The following RHPN1 variants were observed in gnomAD, a reference collection of about 807,000 sequenced individuals.
RHPN1 encodes the protein rhophilin Rho GTPase binding protein 1.
In RHPN1, 77 loss-of-function variants were observed where a neutral mutation model predicts 74.7. That is an observed-to-expected ratio of 1.03 (90% confidence interval 0.86 to 1.25). The LOEUF is 1.25. RHPN1 is among the 50% of genes most tolerant of loss of function. The probability of loss-of-function intolerance (pLI) is 0.00; values close to 1 mark genes in which losing one functional copy is unlikely to be tolerated. For synonymous variants in RHPN1, 444 were observed against 414.5 expected, an observed-to-expected ratio of 1.07 and a Z score of -0.87; for missense variants, 987 against 932.2, an observed-to-expected ratio of 1.06 and a Z score of -0.77.
At position 143,372,102 on chromosome 8, in the gene RHPN1, G is replaced by A. The variant is rs532668328; in HGVS notation, c.60+3055G>A. Among the ~76,000 whole-genome samples, 8 of 152,266 alleles carry A rather than the reference G, an allele frequency of 5.3e-5. 1 individual carries two copies. The highest frequency in any genetic ancestry group is 1.2e-4 in the African/African-American group (5 of 41,554). On this transcript the variant is annotated intron_variant, in intron 1 of 14. Transcript: ENST00000289013. ...GGGGCTCCAAGGGGCCAGGCTCCCCGCAGCTCTCCTGGGGCCAGGAGGGGA... is the reference window on the plus strand; with the variant it reads ...GGGGCTCCAAGGGGCCAGGCTCCCCACAGCTCTCCTGGGGCCAGGAGGGGA...
In RHPN1 at chr8:143,376,571, A is replaced by G; in HGVS notation, c.223A>G (p.Ser75Gly). The change falls in exon 3 of 15, where the codon AGC (serine) becomes GGC (glycine). Residue 75 changes from serine to glycine, a missense_variant. Coordinates refer to ENST00000289013, the MANE Select transcript of RHPN1 (RefSeq NM_052924.3). ...GAGAGAGACGGTCGCCCTGGAGCTG[A>G]GCTACGTCAACTCCAACCTGCAGCT... ...RVRETVALEL[S>G]YVNSNLQLLK... 6.2e-7 allele frequency: 1 copy of G among 1,611,338 alleles called. No individual in the cohort carries two copies. Among genetic ancestry groups the G allele is most frequent in the Non-Finnish European group, 8.5e-7 (1 of 1,179,156 alleles).
At chr8:143,376,418 G>T in intron 2 of RHPN1, 107 bp from the exon 3 acceptor site, 1 of 1,501,664 alleles carries the variant, frequency 6.7e-7, no homozygotes, top group South Asian at 1.2e-5. Flanking sequence ...TCCTCTGCAG[G>T]GTGGGCTTGG....
chr8:143,374,861 CA>C (rs1395350914), intron 1 of RHPN1, among the ~76,000 whole-genome samples: 1 of 152,250 alleles, frequency 6.6e-6, no homozygotes, highest in East Asian at 1.9e-4. Context: ...CCCCGCTGGG[CA>C]CGCCCCACTC....
Position 143,380,298 on chromosome 8 carries a change from A to G in RHPN1, c.1216+123A>G, listed in dbSNP as rs1586830651. 9 of 755,050 alleles carry G rather than the reference A, an allele frequency of 1.2e-5. No homozygotes were observed. In the East Asian group the frequency reaches 2.5e-4, roughly 21 times the overall value. The allele number at this position is 755,050 out of a possible 1,614,324, so 46.8% of individuals were successfully genotyped here. ...CCCGTGCTGACGAGTTGGGCCACCT[A>G]CCTATCCCTGGATGGCCTGTGCCTG... is the stretch of plus-strand genomic sequence containing the variant. On this transcript the variant is annotated intron_variant, in intron 10 of 14. Transcript: ENST00000289013.
In RHPN1 at chr8:143,382,812, G is replaced by A. The variant is rs1196008113; in HGVS notation, c.*161G>A. On this transcript the variant is annotated 3_prime_UTR_variant, in exon 15 of 15. Coordinates refer to ENST00000289013, the MANE Select transcript of RHPN1 (RefSeq NM_052924.3). ...CATTAAAGACTGGTCAGACCTGTCTGAGCCCAGTGATGGGAGCTGTGGCCT... is the reference window on the plus strand; with the variant it reads ...CATTAAAGACTGGTCAGACCTGTCTAAGCCCAGTGATGGGAGCTGTGGCCT... 5 of 622,270 alleles carry A rather than the reference G, an allele frequency of 8.0e-6. No individual in the cohort carries two copies. The highest frequency in any genetic ancestry group is 1.4e-5 in the Non-Finnish European group (5 of 356,984). The allele number at this position is 622,270 out of a possible 1,614,324, so 38.5% of individuals were successfully genotyped here. A position where few individuals can be genotyped will look rare whatever the true frequency, so the allele number is the denominator to read the frequency against.
At chr8:143,377,062 G>A (rs1036380097) in intron 3 of RHPN1, among the ~76,000 whole-genome samples, 4 of 30,304 alleles carry the variant, frequency 1.3e-4, no homozygotes, top group African/African-American at 1.8e-4. Context: ...CTGTGTGTGC[G>A]CGTGTGTGTG....
At chr8:143,366,262 G>T (rs1001681492), upstream of RHPN1, among the ~76,000 whole-genome samples, 2 of 152,032 alleles carry the variant, frequency 1.3e-5, no homozygotes, top group Non-Finnish European at 2.9e-5. Context: ...CCAGTTCCCT[G>T]CCTGTCACAC....
chr8:143,377,410 G>A lies in RHPN1; in HGVS notation c.336G>A (p.Leu112=). The part of the protein sequence containing the change: ...SEAVTVPMIP[L]GLKETKELDW... ...CTGTCACTGTCCCCATGATCCCCCT[G>A]GGCCTGAAGGAGACCAAGGAGCTGG... Residue 112 remains leucine (L), a synonymous_variant, in exon 4 of 15, where the codon CTG becomes CTA. Coordinates refer to ENST00000289013, the MANE Select transcript of RHPN1 (RefSeq NM_052924.3). 1 of 1,613,502 alleles carries A rather than the reference G, an allele frequency of 6.2e-7. No homozygotes were observed. The highest frequency in any genetic ancestry group is 8.5e-7 in the Non-Finnish European group (1 of 1,179,612).
chr8:143,368,092 G>C (rs898090934), upstream of RHPN1: 1 of 153,832 alleles, frequency 6.5e-6, no homozygotes, highest in African/African-American at 2.4e-5. Context: ...AAGAGATTCG[G>C]AAAGCAGGTT....
chr8:143,373,972 C>T (rs74680952), intron 1 of RHPN1, among the ~76,000 whole-genome samples: 5,551 of 152,186 alleles, frequency 0.036, 296 homozygotes, highest in African/African-American at 0.13. Flanking sequence ...ACACAATTCA[C>T]CCATAATAGA....
chr8:143,374,386 G>A (rs1434515489), intron 1 of RHPN1: 4 of 921,284 alleles, frequency 4.3e-6, no homozygotes, highest in Non-Finnish European at 5.2e-6. Flanking sequence ...GCGGGAAGCA[G>A]TCCCAGGAGC....
chr8:143,371,179 G>A (rs532553905), intron 1 of RHPN1, among the ~76,000 whole-genome samples: 4 of 152,288 alleles, frequency 2.6e-5, no homozygotes, highest in South Asian at 4.1e-4. Flanking sequence ...TCTGGCGTGC[G>A]TGCTGCTTAT....
intron 3 of RHPN1, among the ~76,000 whole-genome samples, chr8:143,377,042 C>G (rs7461538): frequency 1.6e-5 from 1 of 62,674 alleles, no homozygotes; most frequent in Non-Finnish European, 4.3e-5. Context: ...GCACGTGTGT[C>G]TGTGTGTGTC....
chr8:143,379,414 C>T lies in RHPN1; in HGVS notation c.851C>T (p.Ala284Val). The change falls in exon 8 of 15, where the codon GCC (alanine) becomes GTC (valine). Residue 284 changes from alanine (A) to valine (V), a missense_variant. By Grantham distance (64) the Ala-to-Val change is moderately conservative (BLOSUM62 0). Transcript: ENST00000289013. ...CALEQLMMAQ[A>V]QECVFEGLSP... Reference sequence around the variant, plus strand: ...CTGGAGCAGCTCATGATGGCCCAGGCCCAGGAATGTGTGTTTGAGGGCCTC... The same window carrying T: ...CTGGAGCAGCTCATGATGGCCCAGGTCCAGGAATGTGTGTTTGAGGGCCTC... 1.9e-6 allele frequency: 3 copies of T among 1,586,580 alleles called. No homozygotes were observed. Among genetic ancestry groups the T allele is most frequent in the Non-Finnish European group, 2.6e-6 (3 of 1,166,938 alleles).
At chr8:143,366,459 T>TCCAG (rs1346504952), upstream of RHPN1, among the ~76,000 whole-genome samples, 1 of 151,532 alleles carries the variant, frequency 6.6e-6, no homozygotes, top group East Asian at 1.9e-4. Flanking sequence ...CTGTGCCAAA[T>TCCAG]CCAGTAACAC....
intron 8 of RHPN1, 128 bp downstream of exon 8, chr8:143,379,636 G>C (rs770962200): frequency 1.0e-5 from 15 of 1,446,922 alleles, no homozygotes; most frequent in Admixed American, 2.6e-5. Flanking sequence ...CTGTTGTCCT[G>C]CTCCCTGGGG....
chr8:143,382,686 C>T lies in RHPN1; in HGVS notation c.*35C>T, dbSNP rs751944557. On this transcript the variant is annotated 3_prime_UTR_variant, in exon 15 of 15. Coordinates refer to ENST00000289013, the MANE Select transcript of RHPN1 (RefSeq NM_052924.3). Reference sequence around the variant, plus strand: ...TCCCTGCACGCCTCAGCCCTGGCTCCAGCTGGCAGCAAGCACCGAGCATGC... The same window carrying T: ...TCCCTGCACGCCTCAGCCCTGGCTCTAGCTGGCAGCAAGCACCGAGCATGC... 8 of 1,555,926 alleles carry T rather than the reference C, an allele frequency of 5.1e-6. No homozygotes were observed. In the South Asian group the frequency reaches 8.0e-5, roughly 16 times the overall value.
chr8:143,380,215 G>A (rs757325349), intron 10 of RHPN1, 40 bp downstream of exon 10: 1 of 1,353,714 alleles, frequency 7.4e-7, no homozygotes. Flanking sequence ...GGCTCAGATG[G>A]TCACCAACGG....
In RHPN1 at chr8:143,384,123, G is replaced by T. The variant is rs1818918701; in HGVS notation, c.*1472G>T. On this transcript the variant is annotated 3_prime_UTR_variant, in exon 15 of 15. Transcript: ENST00000289013. ...GGGTGGGGGTCCAGGTCCCCCACTT[G>T]CCCTTGTGGGAAAATCCCTGTCTCA... The T allele has an allele frequency of 2.0e-5, 3 of 152,192 alleles. No homozygotes were observed. The highest frequency in any genetic ancestry group is 2.0e-4 in the Admixed American group (3 of 15,282). The allele number at this position is 152,192 out of a possible 1,614,324, so 9.4% of individuals were successfully genotyped here. A position where few individuals can be genotyped will look rare whatever the true frequency, so the allele number is the denominator to read the frequency against.
Sources: gnomAD v4.1 joint callset for allele counts (sites outside exome capture counted in the v4.1 genomes callset) on GRCh38, gnomAD v4.1.1 for gene constraint, MANE v1.5 for transcripts, NCBI Gene and HGNC (gene_info 2026-07-23, HGNC 2026-07-21) for gene names.